NAV2: variants seen among roughly 807,000 people sequenced by gnomAD.
The protein encoded by NAV2 is neuron navigator 2, also known as helicase, APC down-regulated 1.
A neutral mutation model predicts 223.2 loss-of-function variants in NAV2; 54 were observed. That is an observed-to-expected ratio of 0.24 (90% CI 0.19 to 0.30). The LOEUF (loss-of-function observed/expected upper bound fraction) is 0.30, where lower values mean the gene tolerates loss of function less well. Ranked by LOEUF, NAV2 falls within the 10% of genes least tolerant of loss-of-function variation. The pLI is 1.00. For missense variants in NAV2, 2,806 were observed against 3,147.5 expected, an observed-to-expected ratio of 0.89 and a Z score of 2.60; for synonymous variants, 1,279 against 1,239.3, an observed-to-expected ratio of 1.03 and a Z score of -0.67.
intron 11 of NAV2, among the ~76,000 whole-genome samples, chr11:20,006,502 C>T (rs1204574878): frequency 6.6e-6 from 1 of 152,020 alleles, no homozygotes; most frequent in Non-Finnish European, 1.5e-5. Flanking sequence ...TGGTGAAACC[C>T]CGTCTCTACA....
chr11:19,440,474 G>T (rs903184341), intron 1 of NAV2, among the ~76,000 whole-genome samples: 2 of 152,134 alleles, frequency 1.3e-5, no homozygotes, highest in Non-Finnish European at 1.5e-5. Context: ...AATAGAGGGT[G>T]GGTCTGGGAA....
chr11:19,782,558 G>A (rs992329834), intron 1 of NAV2, among the ~76,000 whole-genome samples: 1 of 152,136 alleles, frequency 6.6e-6, no homozygotes, highest in Non-Finnish European at 1.5e-5. Flanking sequence ...GTAATGTAAT[G>A]CCAGCCACCC....
chr11:20,078,556 T>C (rs2059902133), intron 24 of NAV2, among the ~76,000 whole-genome samples: 1 of 152,172 alleles, frequency 6.6e-6, no homozygotes, highest in Non-Finnish European at 1.5e-5. Flanking sequence ...CTTCCCGGGT[T>C]CAAGTGATTC....
chr11:19,498,605 GAACA>G (rs894850664), intron 1 of NAV2, among the ~76,000 whole-genome samples: 1 of 152,036 alleles, frequency 6.6e-6, no homozygotes, highest in African/African-American at 2.4e-5. Flanking sequence ...TTTGTTTATT[GAACA>G]AACATTTATT....
At chr11:19,708,451 T>C (rs1204662796), upstream of NAV2, among the ~76,000 whole-genome samples, 2 of 152,128 alleles carry the variant, frequency 1.3e-5, no homozygotes, top group Admixed American at 1.3e-4. Context: ...TGTAGACTTT[T>C]CCCCCCAAGA....
At chr11:19,524,920 A>T (rs1318644949) in intron 1 of NAV2, among the ~76,000 whole-genome samples, 1 of 152,186 alleles carries the variant, frequency 6.6e-6, no homozygotes, top group African/African-American at 2.4e-5. Context: ...AGTGGCATAT[A>T]AGATCAGTGT....
chr11:19,961,988 G>T (rs571015940), intron 10 of NAV2, among the ~76,000 whole-genome samples: 1 of 151,866 alleles, frequency 6.6e-6, no homozygotes, highest in Non-Finnish European at 1.5e-5. Flanking sequence ...GTGTATGCAT[G>T]TGTAGAGGAA....
At chr11:19,925,747 CAAAAAAA>C (rs748662441) in intron 6 of NAV2, among the ~76,000 whole-genome samples, 1 of 95,776 alleles carries the variant, frequency 1.0e-5, no homozygotes, top group African/African-American at 3.6e-5. Context: ...GATTCTGTCT[CAAAAAAA>C]AAAAAAAAAA....
intron 1 of NAV2, among the ~76,000 whole-genome samples, chr11:19,642,463 C>A (rs1169866390): frequency 6.6e-6 from 1 of 152,164 alleles, no homozygotes; most frequent in Non-Finnish European, 1.5e-5. Flanking sequence ...TAGATGACCT[C>A]AGGAGTTCCT....
intron 1 of NAV2, among the ~76,000 whole-genome samples, chr11:19,829,163 C>T (rs761915722): frequency 1.3e-5 from 2 of 152,220 alleles, no homozygotes; most frequent in Non-Finnish European, 2.9e-5. Flanking sequence ...GTTCACTTCT[C>T]ACTCAGCTGA....
At chr11:20,009,126 A>T (rs536401999) in intron 11 of NAV2, among the ~76,000 whole-genome samples, 1 of 152,290 alleles carries the variant, frequency 6.6e-6, no homozygotes, top group South Asian at 2.1e-4. Context: ...ACGGGGAGAG[A>T]TGAAGCTGCA....
chr11:20,014,612 C>T (rs755230793), intron 11 of NAV2, among the ~76,000 whole-genome samples: 1 of 152,100 alleles, frequency 6.6e-6, no homozygotes, highest in Non-Finnish European at 1.5e-5. Context: ...AAAAGTTAGC[C>T]AGGCATAGGC....
chr11:19,441,345 GT>G (rs1242329521), intron 1 of NAV2, among the ~76,000 whole-genome samples: 15 of 152,076 alleles, frequency 9.9e-5, no homozygotes, highest in Non-Finnish European at 1.8e-4. Flanking sequence ...ATATTGAAAT[GT>G]TTTAAACATG....
intron 11 of NAV2, among the ~76,000 whole-genome samples, chr11:20,001,395 T>C (rs2052528367): frequency 6.6e-6 from 1 of 152,166 alleles, no homozygotes; most frequent in Non-Finnish European, 1.5e-5. Flanking sequence ...TATTTATCAC[T>C]GGGTTTTCAG....
intron 10 of NAV2, among the ~76,000 whole-genome samples, chr11:19,972,367 T>C (rs2049322657): frequency 6.6e-6 from 1 of 152,218 alleles, no homozygotes; most frequent in South Asian, 2.1e-4. Flanking sequence ...GTGGATTCAA[T>C]GGCTGCTAAT....
At chr11:20,028,467 T>C (rs115740880) in intron 11 of NAV2, among the ~76,000 whole-genome samples, 2 of 152,190 alleles carry the variant, frequency 1.3e-5, no homozygotes, top group Non-Finnish European at 2.9e-5. Flanking sequence ...AAATGCTACA[T>C]GTTGGCCAAA....
At chr11:19,776,632 A>ATGTGTGTGTGTGTGTG (rs71050685) in intron 1 of NAV2, among the ~76,000 whole-genome samples, 2,129 of 64,598 alleles carry the variant, frequency 0.033, 151 homozygotes, top group Non-Finnish European at 0.048. Flanking sequence ...GGGTCAGAAA[A>ATGTGTGTGTGTGTGTG]TGTGTGTGTG....
At chr11:19,514,686 T>C (rs970475292) in intron 1 of NAV2, among the ~76,000 whole-genome samples, 2 of 152,198 alleles carry the variant, frequency 1.3e-5, no homozygotes, top group Admixed American at 1.3e-4. Context: ...AAGGCCAGGC[T>C]CTGGGAGAAA....
At chr11:19,404,584 T>G (rs1159456624) in intron 1 of NAV2, among the ~76,000 whole-genome samples, 1 of 151,982 alleles carries the variant, frequency 6.6e-6, no homozygotes, top group African/African-American at 2.4e-5. Context: ...TAGTGAGTCT[T>G]TTTTTTTGAG....
Sources: allele counts gnomAD v4.1 joint callset (sites outside exome capture counted in the v4.1 genomes callset), GRCh38; gene constraint gnomAD v4.1.1; transcripts MANE v1.5; gene names NCBI Gene and HGNC (gene_info 2026-07-23, HGNC 2026-07-21).